NRG3: variants seen among roughly 807,000 people sequenced by gnomAD.
NRG3 encodes the protein neuregulin 3, also known as pro-neuregulin-3, membrane-bound isoform.
In NRG3, 31 loss-of-function variants were observed where a neutral mutation model predicts 66.9. The ratio of observed to expected loss-of-function variants is 0.46; its 90% CI spans 0.35 to 0.63. The LOEUF is 0.63. NRG3 is among the 20% of genes least tolerant of loss of function. The probability of loss-of-function intolerance (pLI) is 0.00; values close to 1 mark genes in which losing one functional copy is unlikely to be tolerated. For synonymous variants in NRG3, 393 were observed against 359.4 expected (o/e 1.09, Z -1.06); for missense variants, 910 against 878.9 (o/e 1.04, Z -0.45).
intron 1 of NRG3, among the ~76,000 whole-genome samples, chr10:81,923,066 T>C (rs1290856016): frequency 1.3e-5 from 2 of 152,224 alleles, no homozygotes; most frequent in Non-Finnish European, 2.9e-5. Context: ...TTACATATTA[T>C]TAGGAAATAA....
intron 1 of NRG3, among the ~76,000 whole-genome samples, chr10:82,079,356 G>A (rs2065264481): frequency 6.6e-6 from 1 of 152,056 alleles, no homozygotes; most frequent in Admixed American, 6.6e-5. Context: ...ATATTTAAGA[G>A]CAGTTTTAGG....
chr10:82,823,579 T>C (rs1242771899), intron 3 of NRG3, among the ~76,000 whole-genome samples: 1 of 152,088 alleles, frequency 6.6e-6, no homozygotes, highest in Non-Finnish European at 1.5e-5. Flanking sequence ...AAGGCACTGA[T>C]TCTCCCAGCT....
chr10:82,738,485 A>C, intron 2 of NRG3, 92 bp from the exon 3 acceptor site: 1 of 985,800 alleles, frequency 1.0e-6, no homozygotes, highest in Non-Finnish European at 1.6e-6. Flanking sequence ...TACTGTTCTC[A>C]CATTTATGTA....
intron 7 of NRG3, among the ~76,000 whole-genome samples, chr10:82,974,180 T>G (rs1483319898): frequency 1.3e-5 from 2 of 151,330 alleles, no homozygotes; most frequent in Non-Finnish European, 2.9e-5. Context: ...AAAAAAAAAA[T>G]GCATTCTGAA....
intron 2 of NRG3, among the ~76,000 whole-genome samples, chr10:82,438,015 G>T (rs2136403573): frequency 6.6e-6 from 1 of 152,296 alleles, no homozygotes; most frequent in Non-Finnish European, 1.5e-5. Flanking sequence ...CTGTTGGAGG[G>T]TCTCACCCAG....
chr10:82,979,041 C>T lies in NRG3; in HGVS notation c.1504C>T (p.Leu502=), dbSNP rs754116398. The T allele has an allele frequency of 1.9e-6, 3 of 1,614,090 alleles. No individual in the cohort carries two copies. In the South Asian group the frequency reaches 3.3e-5, roughly 18 times the overall value. Reference sequence around the variant, plus strand: ...GACACCCCCGTCACCCCGAAGTAGGCTAGGTGGAATTGTGGGACCAGCATA... The same window carrying T: ...GACACCCCCGTCACCCCGAAGTAGGTTAGGTGGAATTGTGGGACCAGCATA... ...RRTPPSPRSR[L]GGIVGPAYQQ... The change falls in exon 8 of 9, where the codon CTA becomes TTA. Residue 502 remains leucine, a synonymous_variant. Transcript: ENST00000372141.
At chr10:81,907,885 T>G (rs538925183) in intron 1 of NRG3, among the ~76,000 whole-genome samples, 3 of 152,320 alleles carry the variant, frequency 2.0e-5, no homozygotes, top group African/African-American at 7.2e-5. Context: ...AGATGGTATC[T>G]TACAGCACTC....
intron 1 of NRG3, among the ~76,000 whole-genome samples, chr10:81,884,543 A>G (rs537579497): frequency 1.3e-5 from 2 of 152,362 alleles, no homozygotes; most frequent in East Asian, 3.8e-4. Context: ...AAAAATAAAA[A>G]CAACAACACA....
intron 4 of NRG3, among the ~76,000 whole-genome samples, chr10:82,939,998 A>G (rs1359148407): frequency 2.0e-5 from 3 of 152,000 alleles, no homozygotes; most frequent in Non-Finnish European, 4.4e-5. Flanking sequence ...CACAGCCAGC[A>G]TTAGCCACAT....
chr10:82,863,517 A>G (rs961875335), intron 3 of NRG3, among the ~76,000 whole-genome samples: 3 of 152,192 alleles, frequency 2.0e-5, no homozygotes, highest in African/African-American at 7.2e-5. Flanking sequence ...CCTCTCCAGC[A>G]TCTGTCGTTT....
At chr10:82,207,423 C>T (rs1024707960) in intron 1 of NRG3, among the ~76,000 whole-genome samples, 10 of 152,134 alleles carry the variant, frequency 6.6e-5, no homozygotes, top group African/African-American at 1.7e-4. Context: ...TTATGCATAA[C>T]GTGGGATGAA....
At chr10:82,439,110 G>A (rs1232708273) in intron 2 of NRG3, among the ~76,000 whole-genome samples, 1 of 151,946 alleles carries the variant, frequency 6.6e-6, no homozygotes, top group Non-Finnish European at 1.5e-5. Context: ...ACTATTATTT[G>A]TAATGTTTTA....
At chr10:82,615,170 A>T (rs183449634) in intron 2 of NRG3, among the ~76,000 whole-genome samples, 1 of 152,296 alleles carries the variant, frequency 6.6e-6, no homozygotes, top group Admixed American at 6.5e-5. Context: ...TGATTAATTT[A>T]TTACTCATTA....
intron 1 of NRG3, among the ~76,000 whole-genome samples, chr10:81,965,661 T>C (rs1438930785): frequency 2.0e-5 from 3 of 152,192 alleles, no homozygotes; most frequent in Non-Finnish European, 4.4e-5. Context: ...TTTTACAATT[T>C]TGTGCTGATA....
intron 3 of NRG3, among the ~76,000 whole-genome samples, chr10:82,839,768 C>T (rs1475115495): frequency 6.6e-6 from 1 of 151,778 alleles, no homozygotes; most frequent in African/African-American, 2.4e-5. Context: ...GAAACGTATA[C>T]TTATAAATGA....
intron 2 of NRG3, among the ~76,000 whole-genome samples, chr10:82,703,732 G>C (rs1468345757): frequency 3.3e-5 from 5 of 152,102 alleles, no homozygotes; most frequent in Non-Finnish European, 5.9e-5. Context: ...TCTAAGCCGG[G>C]ATGCTGTCTG....
intron 2 of NRG3, among the ~76,000 whole-genome samples, chr10:82,645,128 G>A (rs1161495255): frequency 1.3e-5 from 2 of 151,976 alleles, no homozygotes; most frequent in Non-Finnish European, 2.9e-5. Context: ...ATCTTAATGA[G>A]TCAGAAGTAT....
chr10:82,837,335 T>C lies in NRG3; in HGVS notation c.1028-28076T>C, dbSNP rs547882003. 2.6e-5 allele frequency among the ~76,000 whole-genome samples: 4 copies of C among 152,290 alleles called. No homozygotes were observed. The South Asian group carries it at 8.3e-4, about 32-fold the overall frequency. On this transcript the variant is annotated intron_variant, in intron 3 of 8. Coordinates refer to ENST00000372141, the MANE Select transcript of NRG3 (RefSeq NM_001010848.4). ...ATCACCACACTGAATTCCACAATGGTTGAACTAGTTTACAGTCCCATTGTT... is the reference window on the plus strand; with the variant it reads ...ATCACCACACTGAATTCCACAATGGCTGAACTAGTTTACAGTCCCATTGTT...
intron 1 of NRG3, among the ~76,000 whole-genome samples, chr10:82,194,302 G>A (rs111652415): frequency 1.3e-5 from 2 of 152,152 alleles, no homozygotes. Context: ...AAGAAGCCCA[G>A]TTGTAGGTGG....
Sources: allele counts gnomAD v4.1 joint callset (sites outside exome capture counted in the v4.1 genomes callset), GRCh38; gene constraint gnomAD v4.1.1; transcripts MANE v1.5; gene names NCBI Gene and HGNC (gene_info 2026-07-23, HGNC 2026-07-21).